DNAH3: variants seen among roughly 807,000 people sequenced by gnomAD.
The protein encoded by DNAH3 is axonemal beta dynein heavy chain 3.
A neutral mutation model predicts 432.5 loss-of-function variants in DNAH3; 332 were observed. The observed-to-expected ratio is 0.77, with a 90% confidence interval of 0.70 to 0.84. DNAH3 has a LOEUF of 0.84. DNAH3 is among the 40% of genes least tolerant of loss of function. DNAH3 has a pLI of 0.00. For synonymous variants in DNAH3, 1,956 were observed against 1,900.2 expected (o/e 1.03, Z -0.76); for missense variants, 4,861 against 5,114.0 (o/e 0.95, Z 1.51).
rs781145891 is a variant in DNAH3, at chr16:20,985,562, C to A, written c.7180G>T (p.Glu2394Ter). The A allele has an allele frequency of 3.1e-6, 5 of 1,614,160 alleles. No homozygotes were observed. In the South Asian group the frequency reaches 5.5e-5, roughly 18 times the overall value. Residue 2394 changes from glutamate to a stop codon, truncating the protein, a stop_gained, in exon 48 of 62, where the codon GAA (glutamate) becomes TAA (stop). Transcript: ENST00000261383. LOFTEE classifies it high-confidence loss of function. ...GCCTTGCTGATGTTGTTGAATTCTT[C>A]CAGATAGTGCTCCATGACCACAGTC...
At chr16:21,153,372 T>G (rs1317068935) in intron 1 of DNAH3, among the ~76,000 whole-genome samples, 2 of 152,186 alleles carry the variant, frequency 1.3e-5, no homozygotes, top group African/African-American at 4.8e-5. Flanking sequence ...AACCTTTGTG[T>G]GGACACTCTG....
chr16:21,152,806 T>C (rs1301140749), intron 1 of DNAH3, among the ~76,000 whole-genome samples: 2 of 152,222 alleles, frequency 1.3e-5, no homozygotes, highest in African/African-American at 4.8e-5. Context: ...TGCGCTCCAT[T>C]TCTCACCGGG....
chr16:20,963,187 A>G, intron 53 of DNAH3, 97 bp downstream of exon 53: 2 of 1,242,744 alleles, frequency 1.6e-6, no homozygotes, highest in African/African-American at 1.5e-5. Flanking sequence ...CTTCAAAGCC[A>G]TCTGAACTTG....
intron 19 of DNAH3, among the ~76,000 whole-genome samples, chr16:21,086,390 G>C (rs1013017379): frequency 2.0e-5 from 3 of 152,200 alleles, no homozygotes; most frequent in African/African-American, 4.8e-5. Flanking sequence ...ACAATAAAAT[G>C]CCACACCAAA....
At chr16:20,997,308 G>A (rs748557479) in exon 44 of DNAH3, 31 of 1,613,604 alleles carry the variant, frequency 1.9e-5, no homozygotes, top group Middle Eastern at 1.6e-4. Context: ...TTCCTCCCCC[G>A]GGGGGCCCCA....
rs1423983722 is a variant in DNAH3, at chr16:20,963,270, C to T, written c.10600+14G>A. The T allele has an allele frequency of 6.2e-7, 1 of 1,607,470 alleles. No individual in the cohort carries two copies. The highest frequency in any genetic ancestry group is 8.5e-7 in the Non-Finnish European group (1 of 1,175,688). On this transcript the variant is annotated intron_variant, in intron 53 of 61. Coordinates refer to ENST00000261383, the Ensembl canonical transcript of DNAH3. Reference sequence around the variant, plus strand: ...TGGGCTTTCCACGTCTCTCCCACAACACTCTGTTCTTACCTGCCATTGGGT... The same window carrying T: ...TGGGCTTTCCACGTCTCTCCCACAATACTCTGTTCTTACCTGCCATTGGGT...
intron 19 of DNAH3, among the ~76,000 whole-genome samples, chr16:21,085,890 C>A (rs1050095457): frequency 5.9e-5 from 9 of 152,082 alleles, no homozygotes; most frequent in African/African-American, 2.2e-4. Context: ...ACCTCAGCCT[C>A]CCAAGTTACT....
chr16:21,061,897 T>C (rs2090373421), intron 25 of DNAH3, among the ~76,000 whole-genome samples: 1 of 152,196 alleles, frequency 6.6e-6, no homozygotes, highest in South Asian at 2.1e-4. Context: ...GTGTCTGCAT[T>C]GGTAATGTGA....
At chr16:21,110,219 C>T (rs933279732) in intron 14 of DNAH3, among the ~76,000 whole-genome samples, 7 of 152,166 alleles carry the variant, frequency 4.6e-5, no homozygotes, top group Admixed American at 1.3e-4. Context: ...TATGTATTAT[C>T]GGGGACCCCC....
chr16:21,058,122 C>T (rs1314475633), exon 27 of DNAH3: 10 of 1,613,754 alleles, frequency 6.2e-6, no homozygotes, highest in Non-Finnish European at 8.5e-6. Flanking sequence ...GGGACACCTC[C>T]TGGGTCCAAA....
At chr16:21,140,554 T>C (rs1278779097) in exon 5 of DNAH3, 4 of 1,614,092 alleles carry the variant, frequency 2.5e-6, no homozygotes, top group Middle Eastern at 1.7e-4. Context: ...CCGATTCAGA[T>C]GGCTTCTTTT....
chr16:21,153,738 C>G (rs910705697), intron 1 of DNAH3, among the ~76,000 whole-genome samples: 1 of 152,108 alleles, frequency 6.6e-6, no homozygotes, highest in Non-Finnish European at 1.5e-5. Flanking sequence ...AAACTCCAGA[C>G]GCGCTACCTT....
rs149944339 is a variant in DNAH3 at position 20,965,141 on chromosome 16, G to A, written c.8743C>T (p.Leu2915=). 28 of 1,614,124 alleles carry A rather than the reference G, an allele frequency of 1.7e-5. No individual in the cohort carries two copies. In the African/African-American group the frequency reaches 2.3e-4, roughly 13 times the overall value. ...TTCAGCTTCTGCATCTGTGCAGCCAGCTTCCCCTCTGCCTCCCTCAGTCGC... is the reference window on the plus strand; with the variant it reads ...TTCAGCTTCTGCATCTGTGCAGCCAACTTCCCCTCTGCCTCCCTCAGTCGC... Residue 2915 remains leucine, a synonymous_variant, in exon 53 of 62, where the codon CTG becomes TTG. Transcript: ENST00000261383.
At chr16:20,967,258 C>T (rs2085104450) in intron 52 of DNAH3, among the ~76,000 whole-genome samples, 1 of 152,146 alleles carries the variant, frequency 6.6e-6, no homozygotes, top group Non-Finnish European at 1.5e-5. Context: ...TCACTCAATT[C>T]CATGGTTTGG....
chr16:21,159,387 G>A (rs922174016), exon 1 of DNAH3: 80 of 1,613,980 alleles, frequency 5.0e-5, no homozygotes, highest in Non-Finnish European at 6.8e-5. Context: ...TGAAAGGCTG[G>A]GCCCGGATGG....
At chr16:21,154,143 C>A (rs2092883489) in intron 1 of DNAH3, among the ~76,000 whole-genome samples, 1 of 152,238 alleles carries the variant, frequency 6.6e-6, no homozygotes, top group South Asian at 2.1e-4. Flanking sequence ...GTGGCCCATG[C>A]CTATAATCCC....
intron 19 of DNAH3, among the ~76,000 whole-genome samples, chr16:21,083,411 T>A (rs1409884930): frequency 6.6e-6 from 1 of 152,030 alleles, no homozygotes; most frequent in African/African-American, 2.4e-5. Flanking sequence ...AGACCAAGAG[T>A]GTTATAGGCA....
Position 21,039,928 on chromosome 16 carries a change from C to T in DNAH3, c.4654G>A (p.Val1552Met), listed in dbSNP as rs764141121. The T allele has an allele frequency of 1.1e-5, 17 of 1,613,610 alleles. No individual in the cohort carries two copies. The African/African-American group carries it at 2.0e-4, about 19-fold the overall frequency. Reference sequence around the variant, plus strand: ...GCGTAATCTGGGACCATCATGGCCACTGTCCGGAACAAGGCCTGGAAAAGA... The same window carrying T: ...GCGTAATCTGGGACCATCATGGCCATTGTCCGGAACAAGGCCTGGAAAAGA... The change falls in exon 33 of 62, where the codon GTG (valine) becomes ATG (methionine). Residue 1552 changes from valine to methionine, a missense_variant. Transcript: ENST00000261383.
chr16:20,948,434 G>T, intron 57 of DNAH3, 49 bp downstream of exon 57: 1 of 1,585,056 alleles, frequency 6.3e-7, no homozygotes, highest in South Asian at 1.1e-5. Flanking sequence ...ATATAGAGAT[G>T]ACGGAGCCCT....
Sources: gnomAD v4.1 joint callset for allele counts (sites outside exome capture counted in the v4.1 genomes callset) on GRCh38, gnomAD v4.1.1 for gene constraint, MANE v1.5 for transcripts, NCBI Gene and HGNC (gene_info 2026-07-23, HGNC 2026-07-21) for gene names.